Variants in VIT observed in about 807,000 individuals in gnomAD.
The protein encoded by VIT is vitrin.
VIT carries 99 observed loss-of-function variants against 78.0 expected under a neutral mutation model. The ratio of observed to expected loss-of-function variants is 1.27; its 90% confidence interval spans 1.08 to 1.50. VIT has a LOEUF of 1.50. VIT is among the 40% of genes most tolerant of loss of function. The probability of loss-of-function intolerance (pLI) is 0.00; values close to 1 mark genes in which losing one functional copy is unlikely to be tolerated. For missense variants in VIT, 1,126 were observed against 875.3 expected (o/e 1.29, Z -3.61); for synonymous variants, 374 against 334.3 (o/e 1.12, Z -1.29).
intron 15 of VIT, among the ~76,000 whole-genome samples, chr2:36,811,143 T>C (rs1267405027): frequency 6.6e-6 from 1 of 152,160 alleles, no homozygotes; most frequent in Non-Finnish European, 1.5e-5. Context: ...GGATGGCTGG[T>C]GGCCTGCATG....
intron 4 of VIT, among the ~76,000 whole-genome samples, chr2:36,745,179 C>A (rs535496951): frequency 3.3e-5 from 5 of 152,172 alleles, no homozygotes; most frequent in Non-Finnish European, 5.9e-5. Flanking sequence ...GTCTACATGT[C>A]CGGTTTTTGT....
intron 3 of VIT, among the ~76,000 whole-genome samples, chr2:36,735,121 A>G (rs1467557337): frequency 1.3e-5 from 2 of 152,176 alleles, no homozygotes; most frequent in Non-Finnish European, 2.9e-5. Flanking sequence ...AGACTGCACC[A>G]CTGCTCTCCA....
At chr2:36,783,542 T>A in intron 11 of VIT, 140 bp downstream of exon 11, 1 of 804,226 alleles carries the variant, frequency 1.2e-6, no homozygotes, top group Non-Finnish European at 2.0e-6. Flanking sequence ...CACCTTGTTC[T>A]AAGGGGAAAG....
At chr2:36,801,269 G>C (rs1306835331) in intron 12 of VIT, 32 bp from the exon 13 acceptor site, 1 of 1,570,628 alleles carries the variant, frequency 6.4e-7, no homozygotes. Context: ...TAACTTTGCA[G>C]CTAATTTGTA....
At position 36,801,292 on chromosome 2, in the gene VIT, A is replaced by T; in HGVS notation, c.1059-9A>T. 6.2e-7 allele frequency: 1 copy of T among 1,610,562 alleles called. No homozygotes were observed. Among genetic ancestry groups the T allele is most frequent in the Non-Finnish European group, 8.5e-7 (1 of 1,177,026 alleles). ...CAGCTAATTTGTATTTCTTGTTCTG[A>T]CTCTTCAGAGACAACCCTGCTACTC... On this transcript the variant is annotated splice_polypyrimidine_tract_variant and intron_variant, in intron 12 of 15. Coordinates refer to ENST00000379242, the MANE Select transcript of VIT (RefSeq NM_053276.4).
intron 2 of VIT, among the ~76,000 whole-genome samples, chr2:36,724,528 G>T (rs541208963): frequency 3.3e-5 from 5 of 152,212 alleles, no homozygotes; most frequent in Admixed American, 2.6e-4. Context: ...TGTAGCAAGA[G>T]GGGGATTGCT....
intron 13 of VIT, among the ~76,000 whole-genome samples, chr2:36,801,826 T>G (rs1333814265): frequency 6.6e-6 from 1 of 152,042 alleles, no homozygotes; most frequent in Non-Finnish European, 1.5e-5. Context: ...ATCTATATCT[T>G]TTCTAAAGTT....
chr2:36,808,844 A>G lies in VIT; in HGVS notation c.1762A>G (p.Ser588Gly), dbSNP rs1225678349. 1 of 1,614,118 alleles carries G rather than the reference A, an allele frequency of 6.2e-7. No homozygotes were observed. Among genetic ancestry groups the G allele is most frequent in the Non-Finnish European group, 8.5e-7 (1 of 1,180,048 alleles). Residue 588 changes from serine to glycine, a missense_variant, in exon 15 of 16, where the codon AGC (serine) becomes GGC (glycine). Transcript: ENST00000379242. ...KRVGYWSGGT[S>G]TGAAINFALE... ...GGTGGGCTACTGGAGTGGTGGCACC[A>G]GCACGGGGGCTGCCATCAACTTCGC...
intron 12 of VIT, among the ~76,000 whole-genome samples, chr2:36,798,413 G>A (rs1256041477): frequency 6.6e-6 from 1 of 152,166 alleles, no homozygotes; most frequent in East Asian, 1.9e-4. Flanking sequence ...GGGGGCTGAT[G>A]GGCTGTATAA....
intron 1 of VIT, among the ~76,000 whole-genome samples, chr2:36,711,850 C>A (rs780272471): frequency 5.3e-5 from 8 of 152,212 alleles, no homozygotes; most frequent in Non-Finnish European, 1.0e-4. Context: ...ACCACTTACA[C>A]TAATGTATAC....
chr2:36,752,507 A>T (rs2148542383), intron 4 of VIT, among the ~76,000 whole-genome samples: 1 of 152,350 alleles, frequency 6.6e-6, no homozygotes, highest in East Asian at 1.9e-4. Context: ...AAGGAAGTGG[A>T]ACTGGGTTTG....
intron 9 of VIT, among the ~76,000 whole-genome samples, chr2:36,777,249 G>C (rs1161010629): frequency 6.6e-6 from 1 of 151,104 alleles, no homozygotes; most frequent in Non-Finnish European, 1.5e-5. Flanking sequence ...AAAGGTCTTT[G>C]GGGTCTTTGA....
chr2:36,761,838 T>A (rs1271164821), intron 6 of VIT, among the ~76,000 whole-genome samples: 1 of 152,192 alleles, frequency 6.6e-6, no homozygotes, highest in Admixed American at 6.5e-5. Flanking sequence ...TCTGTGACTG[T>A]AGTCGTCTGT....
At chr2:36,791,347 G>T (rs1259548688) in intron 12 of VIT, among the ~76,000 whole-genome samples, 1 of 152,162 alleles carries the variant, frequency 6.6e-6, no homozygotes, top group Non-Finnish European at 1.5e-5. Flanking sequence ...ACCTAATGCA[G>T]GACAGTCAGA....
intron 3 of VIT, among the ~76,000 whole-genome samples, chr2:36,731,019 G>A (rs368814401): frequency 7.2e-5 from 11 of 152,140 alleles, no homozygotes; most frequent in Admixed American, 2.0e-4. Context: ...AGAGGAAAGC[G>A]CACCAAACAG....
At chr2:36,775,232 T>C (rs1669981344) in intron 9 of VIT, among the ~76,000 whole-genome samples, 165 bp downstream of exon 9, 2 of 152,236 alleles carry the variant, frequency 1.3e-5, no homozygotes. Context: ...AGAAAATGTC[T>C]CTTTGATTGA....
chr2:36,808,393 C>T, intron 14 of VIT, 79 bp from the exon 15 acceptor site: 1 of 1,501,700 alleles, frequency 6.7e-7, no homozygotes, highest in Non-Finnish European at 8.9e-7. Flanking sequence ...TCTTCACCTG[C>T]CCCGGGGGAT....
At position 36,813,933 on chromosome 2, in the gene VIT, A is replaced by G. The variant is rs141737110; in HGVS notation, c.1904-250A>G. Among the ~76,000 whole-genome samples the G allele has an allele frequency of 2.0e-5, 3 of 152,340 alleles. No homozygotes were observed. In the East Asian group the frequency reaches 5.8e-4, roughly 29 times the overall value. On this transcript the variant is annotated intron_variant, in intron 15 of 15. Coordinates refer to ENST00000379242, the MANE Select transcript of VIT (RefSeq NM_053276.4). ...AATACTATAAACTCCTGAGATAACA[A>G]TTATATAAACGTTGTTACTGTTGGC...
chr2:36,739,475 A>G (rs1006524494), intron 3 of VIT, among the ~76,000 whole-genome samples: 2 of 152,180 alleles, frequency 1.3e-5, no homozygotes, highest in Non-Finnish European at 2.9e-5. Flanking sequence ...ATTGACTCAA[A>G]TAGTACCAGT....
Sources: gnomAD v4.1 joint callset for allele counts (sites outside exome capture counted in the v4.1 genomes callset) on GRCh38, gnomAD v4.1.1 for gene constraint, MANE v1.5 for transcripts, NCBI Gene and HGNC (gene_info 2026-07-23, HGNC 2026-07-21) for gene names.